The following ABCC9 variants were observed in gnomAD, a reference collection of about 807,000 sequenced individuals.
The protein encoded by ABCC9 is ATP-binding cassette sub-family C member 9.
A neutral mutation model predicts 188.3 loss-of-function variants in ABCC9; 95 were observed. The observed-to-expected ratio is 0.50, with a 90% CI of 0.43 to 0.60. The LOEUF is 0.60. ABCC9 is among the 20% of genes least tolerant of loss of function. The pLI, the probability that ABCC9 is intolerant of heterozygous loss-of-function variation, is 0.00. For missense variants in ABCC9, 1,102 were observed against 1,876.3 expected, an observed-to-expected ratio of 0.59 and a Z score of 7.62; for synonymous variants, 659 against 652.7, an observed-to-expected ratio of 1.01 and a Z score of -0.15.
chr12:21,829,311 T>C (rs530666388), intron 30 of ABCC9, among the ~76,000 whole-genome samples: 47 of 149,352 alleles, frequency 3.1e-4, no homozygotes, highest in East Asian at 6.3e-4. Flanking sequence ...ACACCATTCT[T>C]CTGCCTCAGC....
intron 18 of ABCC9, among the ~76,000 whole-genome samples, chr12:21,866,453 C>T (rs370539871): frequency 3.9e-5 from 6 of 152,252 alleles, no homozygotes; most frequent in African/African-American, 4.8e-5. Context: ...AAACACTGTA[C>T]TTCTTCCTAG....
chr12:21,872,976 A>C (rs1946155714), intron 17 of ABCC9, among the ~76,000 whole-genome samples: 1 of 151,830 alleles, frequency 6.6e-6, no homozygotes, highest in South Asian at 2.1e-4. Context: ...GAAAGTAATG[A>C]AATAATTGCC....
intron 7 of ABCC9, among the ~76,000 whole-genome samples, chr12:21,915,259 GTGTATATAA>G (rs1948496591): frequency 9.0e-6 from 1 of 110,966 alleles, no homozygotes. Context: ...GTGTGTGTGT[GTGTATATAA>G]TGTGTATATA....
At chr12:21,826,061 C>T (rs1423078606) in intron 31 of ABCC9, among the ~76,000 whole-genome samples, 1 of 152,174 alleles carries the variant, frequency 6.6e-6, no homozygotes, top group Non-Finnish European at 1.5e-5. Flanking sequence ...AGAAATCCTG[C>T]TTGCCTCTTC....
intron 34 of ABCC9, among the ~76,000 whole-genome samples, chr12:21,815,039 T>C (rs1942510839): frequency 6.6e-6 from 1 of 151,846 alleles, no homozygotes; most frequent in East Asian, 1.9e-4. Flanking sequence ...ACAAATTAGC[T>C]GGATGTGGTG....
chr12:21,924,358 GA>G (rs1467563780), intron 5 of ABCC9: 1 of 152,128 alleles, frequency 6.6e-6, no homozygotes, highest in East Asian at 1.9e-4. Flanking sequence ...AAAACAAACA[GA>G]AAAAATGTAA....
Position 21,816,036 on chromosome 12 carries a change from G to GTTTT in ABCC9, c.3893-147_3893-144dup, listed in dbSNP as rs10611051. 7.4e-4 allele frequency: 43 copies of GTTTT among 58,262 alleles called. 4 individuals carry two copies. The highest frequency in any genetic ancestry group is 8.8e-4 in the Non-Finnish European group (27 of 30,756). 3.6% of individuals were successfully genotyped at this position (58,262 alleles called of 1,614,324 possible). A position where few individuals can be genotyped will look rare whatever the true frequency, so the allele number is the denominator to read the frequency against. ...TAATACTGAACCAAACTATGTGGCA[G>GTTTT]TTTTTTTTTTTTTTTTTTTTTTTTT... On this transcript the variant is annotated intron_variant, in intron 33 of 39. Transcript: ENST00000261200.
intron 39 of ABCC9, among the ~76,000 whole-genome samples, chr12:21,804,729 C>T (rs1941720076): frequency 6.6e-6 from 1 of 152,180 alleles, no homozygotes; most frequent in South Asian, 2.1e-4. Flanking sequence ...CTGTTTCTCC[C>T]ATGCATCATC....
At chr12:21,866,476 A>G (rs1472037886) in intron 18 of ABCC9, among the ~76,000 whole-genome samples, 3 of 152,196 alleles carry the variant, frequency 2.0e-5, no homozygotes, top group Non-Finnish European at 4.4e-5. Context: ...TTTATAAAAC[A>G]TTAATAAAAT....
rs534191130 is a variant in ABCC9, at chr12:21,905,970, G to A, written c.1618+156C>T. Among the ~76,000 whole-genome samples the A allele has an allele frequency of 5.3e-5, 8 of 152,128 alleles. No individual in the cohort carries two copies. The East Asian group carries it at 5.8e-4, about 11-fold the overall frequency. On this transcript the variant is annotated intron_variant, in intron 12 of 39. Coordinates refer to ENST00000261200, the MANE Select transcript of ABCC9 (RefSeq NM_020297.4). The stretch of plus-strand genomic sequence containing the variant: ...AATTTAAATGTAAATAGATAGCCTC[G>A]TGTGGCTGGTGGCTATTGGACAGCA...
chr12:21,882,644 G>A, intron 16 of ABCC9, 122 bp downstream of exon 16: 1 of 841,916 alleles, frequency 1.2e-6, no homozygotes. Context: ...AATGTTATTA[G>A]GGTTAATGAC....
chr12:21,882,201 C>G (rs1214121323), intron 16 of ABCC9, among the ~76,000 whole-genome samples: 1 of 152,122 alleles, frequency 6.6e-6, no homozygotes, highest in Non-Finnish European at 1.5e-5. Context: ...AGGCCTTTGA[C>G]TGCTGCCGGC....
rs1801603461 is a variant in ABCC9, at chr12:21,925,886, TG to T, written c.406+55del. ...CTGAGGAAAAAGAAAAATAACCCTTTGGGGGGAAAAACAAATATCTCTTTAA... is the reference window on the plus strand; with the variant it reads ...CTGAGGAAAAAGAAAAATAACCCTTTGGGGGAAAAACAAATATCTCTTTAA... On this transcript the variant is annotated intron_variant, in intron 5 of 39. Transcript: ENST00000261200. 14 of 1,564,484 alleles carry T rather than the reference TG, an allele frequency of 8.9e-6. No homozygotes were observed. The Admixed American group carries it at 2.2e-4, about 24-fold the overall frequency.
intron 7 of ABCC9, among the ~76,000 whole-genome samples, chr12:21,913,571 A>G (rs1159580844): frequency 6.6e-6 from 1 of 152,134 alleles, no homozygotes; most frequent in Admixed American, 6.6e-5. Flanking sequence ...CCCAACTTCA[A>G]GTTGTTTCTC....
intron 22 of ABCC9, among the ~76,000 whole-genome samples, chr12:21,855,463 C>T (rs2137464275): frequency 6.6e-6 from 1 of 152,260 alleles, no homozygotes; most frequent in East Asian, 1.9e-4. Context: ...CTCAACTGGT[C>T]TGCCTGCCTC....
rs1183466743 is a variant in ABCC9, at chr12:21,828,951, A to T, written c.3669+7T>A. The T allele has an allele frequency of 1.2e-5, 20 of 1,610,396 alleles. No homozygotes were observed. Among genetic ancestry groups the T allele is most frequent in the Non-Finnish European group, 1.6e-5 (19 of 1,176,600 alleles). On this transcript the variant is annotated splice_region_variant and intron_variant, in intron 31 of 39. Coordinates refer to ENST00000261200, the MANE Select transcript of ABCC9 (RefSeq NM_020297.4). ...GTTTCCATTTCGAAATCATGAAATGAACGTACCGTCCTGACCTCCAGCCAT... is the reference window on the plus strand; with the variant it reads ...GTTTCCATTTCGAAATCATGAAATGTACGTACCGTCCTGACCTCCAGCCAT...
In ABCC9 at chr12:21,812,116, G is replaced by A. The variant is rs756571598; in HGVS notation, c.4144C>T (p.Leu1382=). The A allele has an allele frequency of 2.6e-5, 42 of 1,613,140 alleles. No individual in the cohort carries two copies. The highest frequency in any genetic ancestry group is 3.5e-5 in the Non-Finnish European group (41 of 1,179,352). ...IDGIDISKLP[L]HTLRSRLSII... is the part of the protein sequence containing the mutation. ...GAAAGTCTAGAACGTAGTGTGTGCA[G>A]TGGTAATTTGGAAATGTCTATCCCA... Residue 1382 remains leucine (L), a synonymous_variant, in exon 36 of 40, where the codon CTG becomes TTG. Transcript: ENST00000261200.
chr12:21,936,516 GA>G lies in ABCC9; in HGVS notation c.142+16del. Reference sequence around the variant, plus strand: ...ATAAACATCAAATGGTATAACATAAGATACTAGATTACTTACCAATAAACAA... The same window carrying G: ...ATAAACATCAAATGGTATAACATAAGTACTAGATTACTTACCAATAAACAA... On this transcript the variant is annotated intron_variant, in intron 3 of 39. Coordinates refer to ENST00000261200, the MANE Select transcript of ABCC9 (RefSeq NM_020297.4). 6.3e-7 allele frequency: 1 copy of G among 1,598,882 alleles called. No homozygotes were observed. Among genetic ancestry groups the G allele is most frequent in the South Asian group, 1.1e-5 (1 of 90,452 alleles).
At chr12:21,875,545 A>G in intron 17 of ABCC9, 109 bp downstream of exon 17, 1 of 820,362 alleles carries the variant, frequency 1.2e-6, no homozygotes, top group Non-Finnish European at 2.0e-6. Flanking sequence ...GGTAATCATA[A>G]ATAATATTTA....
Sources: allele counts gnomAD v4.1 joint callset (sites outside exome capture counted in the v4.1 genomes callset), GRCh38; gene constraint gnomAD v4.1.1; transcripts MANE v1.5; gene names NCBI Gene and HGNC (gene_info 2026-07-23, HGNC 2026-07-21).